The following EHD4 variants were observed in gnomAD, a reference collection of about 807,000 sequenced individuals.
EHD4 encodes the protein EH domain-containing protein 4.
A neutral mutation model predicts 51.0 loss-of-function variants in EHD4; 37 were observed. The ratio of observed to expected loss-of-function variants is 0.73; its 90% CI spans 0.56 to 0.95. The LOEUF (loss-of-function observed/expected upper bound fraction) is 0.95, where lower values mean the gene tolerates loss of function less well. EHD4 is among the 40% of genes least tolerant of loss of function. The pLI is 0.00. For synonymous variants in EHD4, 297 were observed against 317.3 expected (o/e 0.94, Z 0.68); for missense variants, 632 against 733.1 (o/e 0.86, Z 1.59).
intron 3 of EHD4, among the ~76,000 whole-genome samples, chr15:41,933,875 A>G (rs1433340417): frequency 1.3e-5 from 2 of 152,178 alleles, no homozygotes; most frequent in Non-Finnish European, 2.9e-5. Context: ...AGACACAGAC[A>G]GAGGACCCAG....
chr15:41,948,010 A>G (rs1319315956), intron 2 of EHD4, among the ~76,000 whole-genome samples: 1 of 118,940 alleles, frequency 8.4e-6, no homozygotes, highest in African/African-American at 2.7e-5. Context: ...TAATCCCAGC[A>G]CTTTGGGAGG....
At chr15:41,926,894 C>T (rs1423286310) in intron 3 of EHD4, among the ~76,000 whole-genome samples, 1 of 152,214 alleles carries the variant, frequency 6.6e-6, no homozygotes, top group African/African-American at 2.4e-5. Flanking sequence ...ACTCATCCCT[C>T]TGGGGAACTT....
chr15:41,903,342 CAG>C (rs2067490773), intron 5 of EHD4, among the ~76,000 whole-genome samples: 3 of 64,738 alleles, frequency 4.6e-5, no homozygotes, highest in African/African-American at 9.6e-5. Context: ...AAAAAAAAAA[CAG>C]AAAAAACTGG....
chr15:41,938,141 T>C (rs2067744401), intron 3 of EHD4, among the ~76,000 whole-genome samples: 1 of 152,208 alleles, frequency 6.6e-6, no homozygotes, highest in Non-Finnish European at 1.5e-5. Flanking sequence ...TGGCATCACG[T>C]CAAAAAGTTT....
chr15:41,946,998 CCAGCCTTACTG>C (rs1236852680), intron 2 of EHD4, among the ~76,000 whole-genome samples: 1 of 152,208 alleles, frequency 6.6e-6, no homozygotes, highest in Non-Finnish European at 1.5e-5. Context: ...CACATTAACT[CCAGCCTTACTG>C]CAGCCTTACA....
At chr15:41,949,261 T>C (rs1450386558) in intron 2 of EHD4, among the ~76,000 whole-genome samples, 2 of 151,050 alleles carry the variant, frequency 1.3e-5, no homozygotes, top group African/African-American at 2.4e-5. Context: ...TCCCAGCTAC[T>C]CGGGAGGCTG....
chr15:41,928,152 G>A (rs1369311092), intron 3 of EHD4, among the ~76,000 whole-genome samples: 1 of 152,194 alleles, frequency 6.6e-6, no homozygotes, highest in African/African-American at 2.4e-5. Context: ...AACTAGAAAA[G>A]TCTGCTTCTG....
chr15:41,933,652 GCA>G (rs1456743229), intron 3 of EHD4, among the ~76,000 whole-genome samples: 2 of 152,168 alleles, frequency 1.3e-5, no homozygotes, highest in African/African-American at 4.8e-5. Flanking sequence ...CCCCACTGGT[GCA>G]CAGTGATTAG....
At position 41,900,562 on chromosome 15, in the gene EHD4, C is replaced by A; in HGVS notation, c.*83G>T. The stretch of plus-strand genomic sequence containing the variant: ...AAGGCACAGAGAGGGCAGTGCCTTG[C>A]CCAAGGTCATTCGGTGAGTCAGTGG... On this transcript the variant is annotated 3_prime_UTR_variant, in exon 6 of 6. Transcript: ENST00000220325. This position sits in a 1 kb window ranked among gnomAD's most constrained non-coding sequence, Gnocchi z 4.8. The A allele has an allele frequency of 1.4e-6, 2 of 1,414,932 alleles. No homozygotes were observed. Among genetic ancestry groups the A allele is most frequent in the South Asian group, 2.8e-5 (2 of 71,562 alleles). 87.6% of individuals were successfully genotyped at this position (1,414,932 alleles called of 1,614,324 possible). A position where few individuals can be genotyped will look rare whatever the true frequency, so the allele number is the denominator to read the frequency against.
intron 3 of EHD4, among the ~76,000 whole-genome samples, chr15:41,929,773 T>C (rs1595536840): frequency 1.3e-5 from 2 of 152,276 alleles, no homozygotes; most frequent in East Asian, 1.9e-4. Context: ...ATTTTAGCTA[T>C]ATAGGGTGGT....
intron 1 of EHD4, among the ~76,000 whole-genome samples, chr15:41,965,037 G>C (rs1430367080): frequency 6.6e-6 from 1 of 152,112 alleles, no homozygotes; most frequent in Non-Finnish European, 1.5e-5. Flanking sequence ...CTCCCAAAGT[G>C]CTGGGATTAC....
At chr15:41,926,961 C>G (rs540585565) in intron 3 of EHD4, among the ~76,000 whole-genome samples, 53 of 152,336 alleles carry the variant, frequency 3.5e-4, no homozygotes, top group African/African-American at 1.3e-3. Context: ...CTGTTTCCTC[C>G]TGATGGGGTC....
intron 3 of EHD4, among the ~76,000 whole-genome samples, chr15:41,925,207 G>C (rs1351977354): frequency 6.6e-6 from 1 of 152,124 alleles, no homozygotes; most frequent in East Asian, 1.9e-4. Context: ...CTGCTGAATG[G>C]ACCAGGAAGT....
At chr15:41,919,033 G>C (rs2067604246) in intron 4 of EHD4, among the ~76,000 whole-genome samples, 177 bp downstream of exon 4, 1 of 152,240 alleles carries the variant, frequency 6.6e-6, no homozygotes, top group Non-Finnish European at 1.5e-5. Context: ...CAGGAGTGCA[G>C]AGCCAGGAGC....
intron 2 of EHD4, among the ~76,000 whole-genome samples, chr15:41,945,758 GCTT>G (rs2067807973): frequency 6.6e-6 from 1 of 152,264 alleles, no homozygotes; most frequent in Admixed American, 6.5e-5. Flanking sequence ...CATGCCTCAT[GCTT>G]CTTCTCTGAG....
chr15:41,955,673 C>T (rs1450143321), intron 1 of EHD4, among the ~76,000 whole-genome samples: 1 of 152,158 alleles, frequency 6.6e-6, no homozygotes, highest in Non-Finnish European at 1.5e-5. Flanking sequence ...TCCCTAATAG[C>T]CTAGAAATGT....
chr15:41,910,781 C>A (rs1201944931), intron 4 of EHD4, among the ~76,000 whole-genome samples: 1 of 152,142 alleles, frequency 6.6e-6, no homozygotes, highest in African/African-American at 2.4e-5. Context: ...GTTGGCCAGG[C>A]TGGTCTCGAA....
intron 5 of EHD4, among the ~76,000 whole-genome samples, chr15:41,902,447 T>C (rs2067483614): frequency 6.6e-6 from 1 of 152,126 alleles, no homozygotes; most frequent in Non-Finnish European, 1.5e-5. Context: ...TTCTGGGGCT[T>C]GGGGATACAG....
intron 4 of EHD4, among the ~76,000 whole-genome samples, chr15:41,918,596 C>T (rs1455914962): frequency 6.6e-6 from 1 of 152,230 alleles, no homozygotes; most frequent in East Asian, 1.9e-4. Flanking sequence ...TGCTGAAAGG[C>T]TCAGCTATGA....
Sources: gnomAD v4.1 joint callset for allele counts (sites outside exome capture counted in the v4.1 genomes callset) on GRCh38, gnomAD v4.1.1 for gene constraint, Gnocchi (gnomAD v3.1) non-coding constraint, MANE v1.5 for transcripts, NCBI Gene and HGNC (gene_info 2026-07-23, HGNC 2026-07-21) for gene names.